ZNF536: variants seen among roughly 807,000 people sequenced by gnomAD.
ZNF536 encodes the protein zinc finger protein 536.
A neutral mutation model predicts 84.5 loss-of-function variants in ZNF536; 13 were observed. That is an observed-to-expected ratio of 0.15 (90% confidence interval 0.10 to 0.24). The LOEUF is 0.24. Ranked by LOEUF, ZNF536 falls within the 10% of genes least tolerant of loss-of-function variation. The pLI is 1.00. For missense variants in ZNF536, 1,536 were observed against 1,747.5 expected, an observed-to-expected ratio of 0.88 and a Z score of 2.16; for synonymous variants, 811 against 742.5, an observed-to-expected ratio of 1.09 and a Z score of -1.50.
Position 30,248,396 on chromosome 19 carries a change from ATTTTT to A in ZNF536, c.-190+19738_-190+19742del, listed in dbSNP as rs34048586. On this transcript the variant is annotated intron_variant, in intron 1 of 5. Transcript: ENST00000585628. Reference sequence around the variant, plus strand: ...AGACACCTGCCACCATGCCCTGCTAATTTTTTTTTTTTTTTTTTTGTAGTTTTAGT... The same window carrying A: ...AGACACCTGCCACCATGCCCTGCTAATTTTTTTTTTTTTTGTAGTTTTAGT... Among the ~76,000 whole-genome samples, 53 of 133,974 alleles carry A rather than the reference ATTTTT, an allele frequency of 4.0e-4. No individual in the cohort carries two copies. In the East Asian group the frequency reaches 4.6e-3, roughly 12 times the overall value. 87.9% of individuals were successfully genotyped at this position (133,974 alleles called of 152,430 possible).
upstream of ZNF536, among the ~76,000 whole-genome samples, chr19:30,226,228 G>A (rs1307660712): frequency 6.6e-6 from 1 of 151,922 alleles, no homozygotes; most frequent in Non-Finnish European, 1.5e-5. The surrounding 1 kb of genome is among the most constrained non-coding windows in gnomAD (Gnocchi z 4.6). Flanking sequence ...GGGGGTGGGG[G>A]GAGTAAAAAG....
intron 3 of ZNF536, among the ~76,000 whole-genome samples, chr19:30,366,721 T>C (rs1248719783): frequency 1.3e-5 from 2 of 152,204 alleles, no homozygotes; most frequent in South Asian, 2.1e-4. Context: ...GCCCTGAGAA[T>C]GTAGCAGAGA....
intron 2 of ZNF536, among the ~76,000 whole-genome samples, chr19:30,309,623 G>C (rs1015501445): frequency 6.6e-6 from 1 of 152,172 alleles, no homozygotes; most frequent in Non-Finnish European, 1.5e-5. Flanking sequence ...GACATCATTT[G>C]TAACACTGCT....
chr19:30,658,801 C>A (rs2050014384), intron 1 of ZNF536, among the ~76,000 whole-genome samples: 1 of 152,218 alleles, frequency 6.6e-6, no homozygotes, highest in Non-Finnish European at 1.5e-5. Flanking sequence ...GCTTAGTCCC[C>A]TTCACGGACT....
rs112270796 is a variant in ZNF536 at position 30,686,676 on chromosome 19, C to T, written c.170-24081C>T. Reference sequence around the variant, plus strand: ...TCCCGCGGGCTGTCAGGTATCTGCGCGCGTCTTCATGTCATCCGTCAGCAT... The same window carrying T: ...TCCCGCGGGCTGTCAGGTATCTGCGTGCGTCTTCATGTCATCCGTCAGCAT... On this transcript the variant is annotated intron_variant, in intron 1 of 1. Coordinates refer to the ZNF536 transcript ENST00000592773. Among the ~76,000 whole-genome samples, 1,324 of 152,206 alleles carry T rather than the reference C, an allele frequency of 8.7e-3. 13 individuals are homozygous for T. Among genetic ancestry groups the T allele is most frequent in the Non-Finnish European group, 0.013 (888 of 68,000 alleles).
intron 2 of ZNF536, among the ~76,000 whole-genome samples, chr19:30,494,040 T>C (rs76489620): frequency 0.024 from 3,658 of 152,278 alleles, 108 homozygotes; most frequent in African/African-American, 0.066. Flanking sequence ...TGCCCCTGTT[T>C]GCCCATCCCT....
intron 1 of ZNF536, among the ~76,000 whole-genome samples, chr19:30,698,084 C>T (rs2051738568): frequency 1.3e-5 from 2 of 152,196 alleles, no homozygotes; most frequent in South Asian, 4.1e-4. Flanking sequence ...CTGAGGTCAA[C>T]TGTTCAAGAC....
upstream of ZNF536, among the ~76,000 whole-genome samples, chr19:30,227,469 G>T (rs912351717): frequency 1.3e-5 from 2 of 152,162 alleles, no homozygotes; most frequent in Non-Finnish European, 2.9e-5. Flanking sequence ...CGGCGGCCGG[G>T]TTTTGTTTGC....
chr19:30,286,506 G>A (rs1397476314), intron 2 of ZNF536, among the ~76,000 whole-genome samples: 1 of 149,466 alleles, frequency 6.7e-6, no homozygotes, highest in Non-Finnish European at 1.5e-5. Flanking sequence ...GAGACAGACA[G>A]AGAAAGAGAG....
chr19:30,562,363 G>A (rs377297121), downstream of ZNF536, among the ~76,000 whole-genome samples: 6 of 152,200 alleles, frequency 3.9e-5, no homozygotes, highest in East Asian at 3.9e-4. Context: ...TCCAGTGCAC[G>A]GGCATATGAA....
intron 1 of ZNF536, among the ~76,000 whole-genome samples, chr19:30,404,100 A>G (rs541144189): frequency 2.3e-4 from 26 of 112,460 alleles, no homozygotes; most frequent in Admixed American, 1.6e-3. Flanking sequence ...CACGTTTCTT[A>G]TTGCTAGTCT....
At chr19:30,423,450 A>T (rs1248027967) in intron 1 of ZNF536, among the ~76,000 whole-genome samples, 1 of 152,242 alleles carries the variant, frequency 6.6e-6, no homozygotes, top group East Asian at 1.9e-4. Flanking sequence ...CACAGAGTTT[A>T]TGGCTAATGA....
chr19:30,432,018 T>TACATAC (rs1555757411), intron 1 of ZNF536, among the ~76,000 whole-genome samples: 1 of 145,640 alleles, frequency 6.9e-6, no homozygotes, highest in Admixed American at 7.0e-5. Flanking sequence ...CACACACACA[T>TACATAC]ACACACACAC....
intron 1 of ZNF536, among the ~76,000 whole-genome samples, chr19:30,432,511 GGTGGGGCTGGGCTGCTGGGAGAT>G (rs2051519907): frequency 2.6e-5 from 4 of 152,104 alleles, no homozygotes; most frequent in Admixed American, 2.6e-4. Flanking sequence ...GCTGTGGTGA[GGTGGGGCTGGGCTGCTGGGAGAT>G]GTGGGGAAAG....
In ZNF536 at chr19:30,379,630, A is replaced by G. The variant is rs144937536; in HGVS notation, c.-3+7074A>G. On this transcript the variant is annotated intron_variant, in intron 1 of 4. Coordinates refer to ENST00000355537, the MANE Select transcript of ZNF536 (RefSeq NM_014717.3). ...GGGTGGGGCTTGAGGGTAGACAAGC[A>G]GAAGGGCTGGGGGGTGTAGTGGGTA... Among the ~76,000 whole-genome samples, 1,066 of 150,774 alleles carry G rather than the reference A, an allele frequency of 7.1e-3. 15 individuals are homozygous for G. The highest frequency in any genetic ancestry group is 0.025 in the African/African-American group (1,016 of 40,976).
At chr19:30,700,048 TCTCC>T (rs61485242) in intron 1 of ZNF536, among the ~76,000 whole-genome samples, 15,892 of 150,766 alleles carry the variant, frequency 0.11, 1,128 homozygotes, top group East Asian at 0.34. Context: ...TCTTTCTTTC[TCTCC>T]CTCCCTCCGC....
rs2146183242 is a variant in ZNF536 at position 30,548,113 on chromosome 19, T to C, written c.2494T>C (p.Phe832Leu). The C allele has an allele frequency of 8.7e-6, 14 of 1,614,056 alleles. No homozygotes were observed. Among genetic ancestry groups the C allele is most frequent in the Non-Finnish European group, 1.2e-5 (14 of 1,179,974 alleles). ...TGAGATGTCAAGCAAAGCTTCTCTG[T>C]TCATCAGGCCAGACATCCTGAGGGG... ...KDEMSSKASL[F>L]IRPDILRGAF... The change falls in exon 4 of 5, where the codon TTC (phenylalanine) becomes CTC (leucine). Residue 832 changes from phenylalanine to leucine, a missense_variant. Phe to Leu is a conservative substitution (Grantham distance 22). Around this residue, in one of 8 missense-constraint regions of ZNF536, gnomAD observed 624 missense variants for 603.1 expected, o/e 1.03. Coordinates refer to ENST00000355537, the MANE Select transcript of ZNF536 (RefSeq NM_014717.3).
chr19:30,533,391 G>C (rs2044936204), intron 2 of ZNF536, among the ~76,000 whole-genome samples: 1 of 152,082 alleles, frequency 6.6e-6, no homozygotes, highest in African/African-American at 2.4e-5. Flanking sequence ...ATGGTGGCCT[G>C]CACCTGTAAT....
intron 1 of ZNF536, among the ~76,000 whole-genome samples, chr19:30,648,583 C>T (rs1230574379): frequency 6.6e-6 from 1 of 152,144 alleles, no homozygotes; most frequent in Non-Finnish European, 1.5e-5. Flanking sequence ...GCCAACGTTT[C>T]CACAGAGTAT....
Sources: allele counts gnomAD v4.1 joint callset (sites outside exome capture counted in the v4.1 genomes callset), GRCh38; gene constraint gnomAD v4.1.1; regional missense constraint gnomAD v4.1.1; non-coding constraint Gnocchi (gnomAD v3.1); transcripts MANE v1.5; gene names NCBI Gene and HGNC (gene_info 2026-07-23, HGNC 2026-07-21).